The following ADAM32 variants were observed in gnomAD, a reference collection of about 807,000 sequenced individuals.
The protein encoded by ADAM32 is ADAM metallopeptidase domain 32.
Under a neutral mutation model 114.9 loss-of-function variants are expected in ADAM32, and 89 were observed. The ratio of observed to expected loss-of-function variants is 0.77; its 90% CI spans 0.65 to 0.92. The LOEUF (loss-of-function observed/expected upper bound fraction) is 0.92. Among genes scored for constraint, ADAM32 ranks in the 40% least tolerant of loss-of-function variants. ADAM32 has a pLI of 0.00. For synonymous variants in ADAM32, 285 were observed against 307.5 expected (o/e 0.93, Z 0.77); for missense variants, 870 against 932.8 (o/e 0.93, Z 0.88).
chr8:39,117,952 T>C, intron 1 of ADAM32, 134 bp from the exon 2 acceptor site: 1 of 504,478 alleles, frequency 2.0e-6, no homozygotes, highest in African/African-American at 2.0e-5. Flanking sequence ...ATTAAGTGTT[T>C]TCAAGCTTTT....
intron 17 of ADAM32, among the ~76,000 whole-genome samples, chr8:39,253,716 G>A (rs1811450680): frequency 6.6e-6 from 1 of 151,382 alleles, no homozygotes; most frequent in Non-Finnish European, 1.5e-5. Context: ...AAACCAAGGA[G>A]GTGAACGACT....
chr8:39,182,167 A>AT (rs988321479), intron 10 of ADAM32, among the ~76,000 whole-genome samples: 2 of 152,154 alleles, frequency 1.3e-5, no homozygotes, highest in African/African-American at 2.4e-5. Context: ...CATACACTAA[A>AT]TTTTTTACAA....
At chr8:39,176,264 T>C (rs1485663520) in intron 10 of ADAM32, among the ~76,000 whole-genome samples, 2 of 152,190 alleles carry the variant, frequency 1.3e-5, no homozygotes, top group Non-Finnish European at 2.9e-5. Context: ...TCTTGTTCTT[T>C]TAGTTGGCAT....
chr8:39,157,473 C>A lies in ADAM32; in HGVS notation c.526-3424C>A, dbSNP rs541676556. 23 of 358,088 alleles carry A rather than the reference C, an allele frequency of 6.4e-5. No homozygotes were observed. In the East Asian group the frequency reaches 1.5e-3, roughly 24 times the overall value. The allele number at this position is 358,088 out of a possible 1,614,324, so 22.2% of individuals were successfully genotyped here. A position where few individuals can be genotyped will look rare whatever the true frequency, so the allele number is the denominator to read the frequency against. ...TAGGCTCTGTTCATTTTTCTTCACT[C>A]TTTTTTTTTCAGTGTCAGATAACTT... On this transcript the variant is annotated intron_variant, in intron 6 of 24. Transcript: ENST00000379907.
chr8:39,114,169 G>A (rs1444616705), intron 1 of ADAM32, among the ~76,000 whole-genome samples: 3 of 152,120 alleles, frequency 2.0e-5, no homozygotes, highest in Non-Finnish European at 4.4e-5. Context: ...GACCATGCTG[G>A]TATTTTGAGT....
chr8:39,166,041 TTAA>T (rs1293894189), intron 9 of ADAM32: 2 of 152,200 alleles, frequency 1.3e-5, no homozygotes, highest in African/African-American at 4.8e-5. Flanking sequence ...TTCATTATCT[TTAA>T]TATTTATATT....
intron 14 of ADAM32, chr8:39,224,128 C>T (rs1031816989): frequency 7.9e-5 from 12 of 152,138 alleles, no homozygotes; most frequent in Admixed American, 7.2e-4. Context: ...ACTCAGAACA[C>T]AAATAAAACT....
chr8:39,237,040 T>A lies in ADAM32; in HGVS notation c.1818+2958T>A, dbSNP rs1379190951. On this transcript the variant is annotated intron_variant, in intron 16 of 24. Transcript: ENST00000379907. Reference sequence around the variant, plus strand: ...CCCATAAAACTGTAAATGCCCAATATGTGAGTGGGGGAAAGTCTGGCTCTG... The same window carrying A: ...CCCATAAAACTGTAAATGCCCAATAAGTGAGTGGGGGAAAGTCTGGCTCTG... 5.6e-4 allele frequency among the ~76,000 whole-genome samples: 85 copies of A among 152,286 alleles called. 2 individuals carry two copies. The highest frequency in any genetic ancestry group is 2.9e-5 in the Non-Finnish European group (2 of 68,016).
At chr8:39,281,604 G>A (rs1363152202) in intron 23 of ADAM32, among the ~76,000 whole-genome samples, 1 of 152,136 alleles carries the variant, frequency 6.6e-6, no homozygotes, top group Non-Finnish European at 1.5e-5. Context: ...GAAGAGTTTA[G>A]GAGACAGTAT....
rs759409542 is a variant in ADAM32 at position 39,274,300 on chromosome 8, AT to A, written c.2202-3del. 1.2e-4 allele frequency: 197 copies of A among 1,588,390 alleles called. No individual in the cohort carries two copies. Among genetic ancestry groups the A allele is most frequent in the South Asian group, 3.5e-4 (31 of 88,956 alleles). On this transcript the variant is annotated splice_polypyrimidine_tract_variant and intron_variant, in intron 20 of 24. Coordinates refer to ENST00000379907, the MANE Select transcript of ADAM32 (RefSeq NM_145004.7). ...GTACTAACTTGAGACATTGCTTTCA[AT>A]TTTTTTTTAGATCCAGCTCAGAAGG...
Position 39,186,990 on chromosome 8 carries a change from G to C in ADAM32, c.997G>C (p.Asp333His), listed in dbSNP as rs1806283364. 1.2e-6 allele frequency: 2 copies of C among 1,612,978 alleles called. No homozygotes were observed. The highest frequency in any genetic ancestry group is 2.7e-5 in the African/African-American group (2 of 74,884). The change falls in exon 11 of 25, where the codon GAC (aspartate) becomes CAC (histidine). Residue 333 changes from aspartate to histidine, a missense_variant. Coordinates refer to ENST00000379907, the MANE Select transcript of ADAM32 (RefSeq NM_145004.7). ...ACTCAGTCTGGGAATATCATATGAC[G>C]ACCCAAAGAAATGTCAATGTTCAGA... ...LALSLGISYD[D>H]PKKCQCSEST... is the part of the protein sequence containing the mutation.
intron 3 of ADAM32, among the ~76,000 whole-genome samples, chr8:39,142,129 A>C (rs1021305872): frequency 6.6e-6 from 1 of 152,188 alleles, no homozygotes; most frequent in East Asian, 1.9e-4. Context: ...AATACAGCAC[A>C]CCGATGGGTC....
chr8:39,207,084 G>A (rs1479621573), intron 11 of ADAM32, among the ~76,000 whole-genome samples: 3 of 152,088 alleles, frequency 2.0e-5, no homozygotes, highest in South Asian at 2.1e-4. Flanking sequence ...GATGGCTGGG[G>A]ATCTTGTTTA....
rs1441791645 is a variant in ADAM32 at position 39,120,035 on chromosome 8, T to C, written c.138+1870T>C. On this transcript the variant is annotated intron_variant, in intron 2 of 24. Transcript: ENST00000379907. ...AAAGGATACAACAAGAAGGCAGCTG[T>C]CTGCAAGCCAAGAGGAGAGGCCTCA... 2.0e-5 allele frequency among the ~76,000 whole-genome samples: 3 copies of C among 152,348 alleles called. No homozygotes were observed. The East Asian group carries it at 5.8e-4, about 29-fold the overall frequency.
chr8:39,194,737 G>A (rs916500601), intron 11 of ADAM32, among the ~76,000 whole-genome samples: 1 of 152,170 alleles, frequency 6.6e-6, no homozygotes. Context: ...GGTCAGACTG[G>A]CCCCATCTCA....
At chr8:39,240,999 G>A (rs1482726913) in intron 16 of ADAM32, among the ~76,000 whole-genome samples, 1 of 152,130 alleles carries the variant, frequency 6.6e-6, no homozygotes, top group Non-Finnish European at 1.5e-5. Context: ...AAGCAAGTTA[G>A]TTACTTCCTA....
intron 19 of ADAM32, among the ~76,000 whole-genome samples, chr8:39,261,415 A>G (rs551203024): frequency 6.6e-6 from 1 of 152,156 alleles, no homozygotes; most frequent in South Asian, 2.1e-4. Context: ...TGGCTAAATG[A>G]TATTCCATTG....
chr8:39,229,089 A>G (rs1809570987), intron 14 of ADAM32, among the ~76,000 whole-genome samples: 1 of 152,194 alleles, frequency 6.6e-6, no homozygotes, highest in Non-Finnish European at 1.5e-5. Context: ...ACTAAGCATC[A>G]TATGTGAAGG....
intron 6 of ADAM32, among the ~76,000 whole-genome samples, chr8:39,159,415 A>C (rs1168143835): frequency 6.6e-6 from 1 of 152,186 alleles, no homozygotes; most frequent in Non-Finnish European, 1.5e-5. Context: ...TGCTTGTACA[A>C]TGTCTGAAAG....
Sources: gnomAD v4.1 joint callset for allele counts (sites outside exome capture counted in the v4.1 genomes callset) on GRCh38, gnomAD v4.1.1 for gene constraint, MANE v1.5 for transcripts, NCBI Gene and HGNC (gene_info 2026-07-23, HGNC 2026-07-21) for gene names.